The following XRN2 variants were observed in gnomAD, a reference collection of about 807,000 sequenced individuals.
XRN2 encodes DHM1-like protein.
Under a neutral mutation model 138.5 loss-of-function variants are expected in XRN2, and 44 were observed. The ratio of observed to expected loss-of-function variants is 0.32; its 90% CI spans 0.25 to 0.41. The LOEUF (loss-of-function observed/expected upper bound fraction) is 0.41. XRN2 is among the 10% of genes least tolerant of loss of function. XRN2 has a pLI of 1.00. For synonymous variants in XRN2, 354 were observed against 369.4 expected (o/e 0.96, Z 0.48); for missense variants, 937 against 1,169.3 (o/e 0.80, Z 2.90).
rs144949538 is a variant in XRN2 at position 21,385,221 on chromosome 20, A to G, written c.2649-1647A>G. On this transcript the variant is annotated intron_variant, in intron 28 of 29. Transcript: ENST00000377191. Reference sequence around the variant, plus strand: ...CTCAATTGAATTTTATTATTGTAAGACTCAAAAGAAAAACTGATCACAGTT... The same window carrying G: ...CTCAATTGAATTTTATTATTGTAAGGCTCAAAAGAAAAACTGATCACAGTT... Among the ~76,000 whole-genome samples, 232 of 152,314 alleles carry G rather than the reference A, an allele frequency of 1.5e-3. 1 individual carries two copies. Among genetic ancestry groups the G allele is most frequent in the Admixed American group, 5.0e-3 (76 of 15,300 alleles).
At chr20:21,374,300 T>A (rs1453733639) in intron 27 of XRN2, among the ~76,000 whole-genome samples, 1 of 152,208 alleles carries the variant, frequency 6.6e-6, no homozygotes, top group Non-Finnish European at 1.5e-5. Context: ...CTAATCTTAA[T>A]GCCTTTTTTG....
At chr20:21,322,677 C>T (rs962364171) in intron 1 of XRN2, among the ~76,000 whole-genome samples, 2 of 152,150 alleles carry the variant, frequency 1.3e-5, no homozygotes, top group African/African-American at 4.8e-5. Context: ...ACTTCAAAAC[C>T]TGTGTAATGT....
At chr20:21,333,515 T>G (rs1404087782) in intron 9 of XRN2, 29 bp from the exon 10 acceptor site, 1 of 1,605,156 alleles carries the variant, frequency 6.2e-7, no homozygotes, top group South Asian at 1.1e-5. Context: ...TAGAGTAGAC[T>G]TGTTTCATCT....
chr20:21,350,370 C>G (rs1020928816), intron 20 of XRN2, among the ~76,000 whole-genome samples: 1 of 151,450 alleles, frequency 6.6e-6, no homozygotes, highest in Non-Finnish European at 1.5e-5. Context: ...ACTAGAAATA[C>G]AAAAAATTAG....
intron 26 of XRN2, among the ~76,000 whole-genome samples, chr20:21,366,159 T>C (rs2038697842): frequency 3.5e-5 from 1 of 28,210 alleles, no homozygotes; most frequent in South Asian, 1.3e-3. Flanking sequence ...TATATATTTA[T>C]AGTTTATATA....
chr20:21,363,297 C>T (rs986178951), intron 24 of XRN2, among the ~76,000 whole-genome samples: 3 of 152,082 alleles, frequency 2.0e-5, no homozygotes, highest in Admixed American at 1.3e-4. Context: ...CACCGTGAAC[C>T]GTGCATGCGA....
intron 28 of XRN2, among the ~76,000 whole-genome samples, chr20:21,382,854 T>C (rs779179143): frequency 2.0e-5 from 3 of 152,256 alleles, no homozygotes; most frequent in Non-Finnish European, 4.4e-5. Context: ...TATCATTTCA[T>C]GATGGTTTTG....
At chr20:21,380,080 G>A (rs904845016) in intron 27 of XRN2, among the ~76,000 whole-genome samples, 1 of 152,088 alleles carries the variant, frequency 6.6e-6, no homozygotes, top group African/African-American at 2.4e-5. Context: ...AAAGACACCA[G>A]GCAAGCACAA....
At chr20:21,325,394 G>A (rs2038109978) in intron 1 of XRN2, among the ~76,000 whole-genome samples, 1 of 152,224 alleles carries the variant, frequency 6.6e-6, no homozygotes, top group South Asian at 2.1e-4. Context: ...TGTAGCTGGG[G>A]TAGATTGACT....
intron 1 of XRN2, among the ~76,000 whole-genome samples, chr20:21,322,997 G>GT (rs1183313974): frequency 6.6e-6 from 1 of 152,194 alleles, no homozygotes; most frequent in Non-Finnish European, 1.5e-5. Flanking sequence ...TCTGTCTCAA[G>GT]TTGCCTGGTT....
intron 26 of XRN2, among the ~76,000 whole-genome samples, chr20:21,366,047 G>T (rs2038694452): frequency 1.9e-5 from 2 of 104,192 alleles, no homozygotes; most frequent in East Asian, 2.6e-4. Context: ...TATATTTATA[G>T]TTTATATAAT....
intron 1 of XRN2, among the ~76,000 whole-genome samples, chr20:21,316,620 C>T (rs2037962345): frequency 6.6e-6 from 1 of 152,170 alleles, no homozygotes; most frequent in South Asian, 2.1e-4. Context: ...TATTTCTGGA[C>T]TCAATTCCAT....
chr20:21,389,414 G>A lies in XRN2; in HGVS notation c.*76G>A, dbSNP rs1000400422. The A allele has an allele frequency of 2.8e-6, 4 of 1,410,046 alleles. No individual in the cohort carries two copies. In the African/African-American group the frequency reaches 4.4e-5, roughly 15 times the overall value. The allele number at this position is 1,410,046 out of a possible 1,614,324, so 87.3% of individuals were successfully genotyped here. A position where few individuals can be genotyped will look rare whatever the true frequency, so the allele number is the denominator to read the frequency against. Reference sequence around the variant, plus strand: ...ATTTGTGGAAAGATTTCTTTCTCAAGTAGTAGTTTTTAATAAAACTACAGT... The same window carrying A: ...ATTTGTGGAAAGATTTCTTTCTCAAATAGTAGTTTTTAATAAAACTACAGT... On this transcript the variant is annotated 3_prime_UTR_variant, in exon 30 of 30. Transcript: ENST00000377191.
At chr20:21,338,962 C>A in intron 13 of XRN2, 82 bp from the exon 14 acceptor site, 1 of 1,354,994 alleles carries the variant, frequency 7.4e-7, no homozygotes, top group Non-Finnish European at 1.0e-6. Flanking sequence ...CTTAAGTTGT[C>A]TCCCAAATCA....
chr20:21,333,534 G>A lies in XRN2; in HGVS notation c.859-10G>A, dbSNP rs369274317. The A allele has an allele frequency of 5.6e-6, 9 of 1,611,826 alleles. No individual in the cohort carries two copies. The East Asian group carries it at 1.6e-4, about 28-fold the overall frequency. ...GTAGACTTGTTTCATCTTCATTCCTGTTCTTGCAGCATGATGAACTTGCCG... is the reference window on the plus strand; with the variant it reads ...GTAGACTTGTTTCATCTTCATTCCTATTCTTGCAGCATGATGAACTTGCCG... On this transcript the variant is annotated splice_polypyrimidine_tract_variant and intron_variant, in intron 9 of 29. Transcript: ENST00000377191.
chr20:21,339,102 A>C lies in XRN2; in HGVS notation c.1278+14A>C. On this transcript the variant is annotated intron_variant, in intron 14 of 29. Coordinates refer to ENST00000377191, the MANE Select transcript of XRN2 (RefSeq NM_012255.5). ...AAGAGAATGAAGGTGAGTTTTAATTAATTTCATGAGATTGGCAATAGCGTA... is the reference window on the plus strand; with the variant it reads ...AAGAGAATGAAGGTGAGTTTTAATTCATTTCATGAGATTGGCAATAGCGTA... 1 of 1,602,646 alleles carries C rather than the reference A, an allele frequency of 6.2e-7. No individual in the cohort carries two copies. Among genetic ancestry groups the C allele is most frequent in the South Asian group, 1.1e-5 (1 of 89,808 alleles).
intron 14 of XRN2, 145 bp downstream of exon 14, chr20:21,339,233 G>C: frequency 1.3e-6 from 1 of 745,400 alleles, no homozygotes; most frequent in Non-Finnish European, 2.2e-6. Flanking sequence ...TTTACCTGTA[G>C]AAAGAACACT....
Position 21,365,467 on chromosome 20 carries a change from G to A in XRN2, c.2302G>A (p.Ala768Thr). 1 of 1,613,744 alleles carries A rather than the reference G, an allele frequency of 6.2e-7. No homozygotes were observed. The highest frequency in any genetic ancestry group is 8.5e-7 in the Non-Finnish European group (1 of 1,179,914). The change falls in exon 25 of 30, where the codon GCT becomes ACT. Residue 768 changes from alanine to threonine, a missense_variant. Ala to Thr is a moderately conservative substitution (Grantham distance 58). Coordinates refer to ENST00000377191, the MANE Select transcript of XRN2 (RefSeq NM_012255.5). ...PQFAEDYIFK[A>T]VMLPGARKPA... is the part of the protein sequence containing the mutation. ...GTTTGCTGAAGATTACATTTTTAAA[G>A]CTGTAATGCTTCCAGGAGCAAGGTA... is the stretch of plus-strand genomic sequence containing the variant.
At position 21,360,352 on chromosome 20, in the gene XRN2, T is replaced by C. The variant is rs1266782491; in HGVS notation, c.2255+2560T>C. Among the ~76,000 whole-genome samples, 3 of 152,154 alleles carry C rather than the reference T, an allele frequency of 2.0e-5. No homozygotes were observed. In the South Asian group the frequency reaches 6.2e-4, roughly 32 times the overall value. ...TGTTTGGAGTGCTCTTCCTTTCTTT[T>C]CTCCACCTGCCCCATAGCCTGCCGT... On this transcript the variant is annotated intron_variant, in intron 24 of 29. Transcript: ENST00000377191.
Sources: gnomAD v4.1 joint callset for allele counts (sites outside exome capture counted in the v4.1 genomes callset) on GRCh38, gnomAD v4.1.1 for gene constraint, MANE v1.5 for transcripts, NCBI Gene and HGNC (gene_info 2026-07-23, HGNC 2026-07-21) for gene names.